Variants in GRK1 observed in about 807,000 individuals in gnomAD.
GRK1 encodes G protein-coupled receptor kinase 1, also known as rhodopsin kinase GRK1.
Under a neutral mutation model 41.7 loss-of-function variants are expected in GRK1, and 28 were observed. The observed-to-expected ratio is 0.67, with a 90% confidence interval of 0.50 to 0.92. The LOEUF is 0.92. Ranked by LOEUF, GRK1 falls within the 40% of genes least tolerant of loss-of-function variation. The pLI is 0.00. For synonymous variants in GRK1, 327 were observed against 286.7 expected (o/e 1.14, Z -1.42); for missense variants, 703 against 671.2 (o/e 1.05, Z -0.52).
chr13:113,657,226 G>C, the GRK1 span, among the ~76,000 whole-genome samples: 1 of 152,144 alleles, frequency 6.6e-6, no homozygotes, highest in Non-Finnish European at 1.5e-5. Context: ...GCCGGGCACC[G>C]TGGGAATTGA....
rs374352512 is a variant in GRK1 at position 113,669,771 on chromosome 13, G to C, written c.784G>C (p.Asp262His). 10 of 1,613,846 alleles carry C rather than the reference G, an allele frequency of 6.2e-6. No homozygotes were observed. The highest frequency in any genetic ancestry group is 8.5e-6 in the Non-Finnish European group (10 of 1,179,876). The change falls in exon 2 of 7, where the codon GAC becomes CAC. Residue 262 changes from aspartate (D) to histidine (H), a missense_variant. By Grantham distance (81) the Asp-to-His change is moderately conservative. Coordinates refer to ENST00000335678, the MANE Select transcript of GRK1 (RefSeq NM_002929.3). ...GGCCTATGCGTTTGAAACCAAAGCC[G>C]ACCTCTGTCTGGTGATGACCATCAT... ...SLAYAFETKADLCLVMTIMNG... is the reference protein window; with the variant it reads ...SLAYAFETKAHLCLVMTIMNG...
chr13:113,658,100 C>T, the GRK1 span: 6 of 1,612,798 alleles, frequency 3.7e-6, no homozygotes, highest in Non-Finnish European at 5.1e-6. Context: ...GCTGGAACTC[C>T]TCCATGCGCT....
At chr13:113,669,947 T>C in intron 2 of GRK1, 133 bp downstream of exon 2, 1 of 1,067,704 alleles carries the variant, frequency 9.4e-7, no homozygotes, top group Non-Finnish European at 1.3e-6. Flanking sequence ...CTTGCACCCA[T>C]CACAATCCCC....
At chr13:113,666,089 C>G (rs533054730), upstream of GRK1, among the ~76,000 whole-genome samples, 29 of 147,728 alleles carry the variant, frequency 2.0e-4, no homozygotes, top group African/African-American at 7.0e-4. Flanking sequence ...TACATGTGCA[C>G]CAGCTGTATC....
chr13:113,658,090 G>A, the GRK1 span: 20 of 1,612,148 alleles, frequency 1.2e-5, no homozygotes, highest in African/African-American at 5.3e-5. Context: ...CAGCAGTAAC[G>A]CTGGAACTCC....
the GRK1 span, chr13:113,654,893 G>A: frequency 6.2e-7 from 1 of 1,614,242 alleles, no homozygotes; most frequent in Non-Finnish European, 8.5e-7. Context: ...ACAGGGCGAA[G>A]AGCCCAGTCA....
chr13:113,670,975 T>G lies in GRK1; in HGVS notation c.828-524T>G, dbSNP rs1172718295. On this transcript the variant is annotated intron_variant, in intron 2 of 6. Coordinates refer to ENST00000335678, the MANE Select transcript of GRK1 (RefSeq NM_002929.3). ...CCTCCTCTCCTGTTTCCTGTGACGA[T>G]ACTCCTGGTGCCACCTCGTTTAAAT... is the stretch of plus-strand genomic sequence containing the variant. Among the ~76,000 whole-genome samples the G allele has an allele frequency of 2.6e-5, 4 of 152,204 alleles. No individual in the cohort carries two copies. The East Asian group carries it at 7.7e-4, about 29-fold the overall frequency.
At chr13:113,650,520 G>T in the GRK1 span, 1 of 1,604,882 alleles carries the variant, frequency 6.2e-7, no homozygotes, top group East Asian at 2.2e-5. The surrounding 1 kb of genome is among the most constrained non-coding windows in gnomAD (Gnocchi z 5.0). Flanking sequence ...GGGGAGGAGA[G>T]GCCACTGCCT....
At chr13:113,733,672 C>CGTGTGTGTGCGT (rs200262963) in intron 6 of GRK1, among the ~76,000 whole-genome samples, 1 of 89,104 alleles carries the variant, frequency 1.1e-5, no homozygotes, top group Non-Finnish European at 2.5e-5. Flanking sequence ...CGTGTGTGCA[C>CGTGTGTGTGCGT]GTGTGTGCAT....
the GRK1 span, among the ~76,000 whole-genome samples, chr13:113,657,206 G>T: frequency 6.6e-6 from 1 of 152,042 alleles, no homozygotes; most frequent in Admixed American, 6.5e-5. Context: ...TCGGCTCTGG[G>T]ACCCCCAGAG....
intron 4 of GRK1, among the ~76,000 whole-genome samples, chr13:113,725,296 GT>G (rs1489756045): frequency 2.0e-5 from 3 of 150,702 alleles, no homozygotes; most frequent in Admixed American, 6.6e-5. Flanking sequence ...GTCATGCGCG[GT>G]CCTAGTTTGA....
At chr13:113,653,529 G>A in the GRK1 span, 19 of 1,077,602 alleles carry the variant, frequency 1.8e-5, no homozygotes, top group African/African-American at 2.7e-4. Context: ...AGAGGCGGTG[G>A]CCCAACCCAG....
intron 4 of GRK1, among the ~76,000 whole-genome samples, chr13:113,724,943 A>G (rs948397641): frequency 1.3e-5 from 2 of 152,196 alleles, no homozygotes; most frequent in African/African-American, 2.4e-5. Flanking sequence ...TCACGGATGG[A>G]AAGGGCCCAG....
upstream of GRK1, among the ~76,000 whole-genome samples, chr13:113,663,692 C>A (rs2049801930): frequency 6.6e-6 from 1 of 152,188 alleles, no homozygotes; most frequent in South Asian, 2.1e-4. Context: ...GATGGCAATG[C>A]ACACATGGAA....
chr13:113,671,708 G>T lies in GRK1; in HGVS notation c.985+52G>T, dbSNP rs1356353275. On this transcript the variant is annotated intron_variant, in intron 3 of 6. Coordinates refer to ENST00000335678, the MANE Select transcript of GRK1 (RefSeq NM_002929.3). This position sits in a 1 kb window ranked among gnomAD's most constrained non-coding sequence, Gnocchi z 4.1. ...ATGAGGGCTACGAGGAGGGCGGGGCGCAGCTTCCTTGGGGGTCTCTGCACA... is the reference window on the plus strand; with the variant it reads ...ATGAGGGCTACGAGGAGGGCGGGGCTCAGCTTCCTTGGGGGTCTCTGCACA... 1 of 704,380 alleles carries T rather than the reference G, an allele frequency of 1.4e-6. No homozygotes were observed. The highest frequency in any genetic ancestry group is 1.7e-5 in the African/African-American group (1 of 57,296). 43.6% of individuals were successfully genotyped at this position (704,380 alleles called of 1,614,324 possible).
upstream of GRK1, among the ~76,000 whole-genome samples, chr13:113,662,810 A>C (rs916959424): frequency 6.6e-6 from 1 of 152,248 alleles, no homozygotes; most frequent in Non-Finnish European, 1.5e-5. Context: ...GAATAAATGG[A>C]GACACACACT....
Position 113,669,830 on chromosome 13 carries a change from G to C in GRK1, c.827+16G>C, listed in dbSNP as rs1196239036. 2 of 1,613,178 alleles carry C rather than the reference G, an allele frequency of 1.2e-6. No homozygotes were observed. The highest frequency in any genetic ancestry group is 1.1e-5 in the South Asian group (1 of 91,060). The stretch of plus-strand genomic sequence containing the variant: ...GTGACATCAGGTAAGGGCTGGGCCA[G>C]AGGGCACGAGGGGGCCCCGCTGTCC... On this transcript the variant is annotated intron_variant, in intron 2 of 6. Transcript: ENST00000335678.
chr13:113,734,027 CGTGTGCGTATGTGT>C (rs1231690499), intron 6 of GRK1, among the ~76,000 whole-genome samples: 5 of 132,184 alleles, frequency 3.8e-5, no homozygotes, highest in Non-Finnish European at 6.5e-5. Context: ...TGTGTGCGTG[CGTGTGCGTATGTGT>C]GTGTGCATAC....
chr13:113,665,149 CT>C (rs1361534075), upstream of GRK1, among the ~76,000 whole-genome samples: 1 of 152,208 alleles, frequency 6.6e-6, no homozygotes, highest in East Asian at 1.9e-4. Flanking sequence ...CCTCTCTATG[CT>C]CCGGCATTCT....
Sources: gnomAD v4.1 joint callset for allele counts (sites outside exome capture counted in the v4.1 genomes callset) on GRCh38, gnomAD v4.1.1 for gene constraint, Gnocchi (gnomAD v3.1) non-coding constraint, MANE v1.5 for transcripts, NCBI Gene and HGNC (gene_info 2026-07-23, HGNC 2026-07-21) for gene names.